MTMR8: variants seen among roughly 807,000 people sequenced by gnomAD.
MTMR8 encodes myotubularin related protein 8, also known as phosphatidylinositol-3,5-bisphosphate 3-phosphatase MTMR8.
A neutral mutation model predicts 39.3 loss-of-function variants in MTMR8; 65 were observed. The ratio of observed to expected loss-of-function variants is 1.65; its 90% CI spans 1.35 to 2.03. The LOEUF (loss-of-function observed/expected upper bound fraction) is 2.03. Among genes scored for constraint, MTMR8 ranks in the 30% most tolerant of loss-of-function variants. The pLI is 0.00. For synonymous variants in MTMR8, 245 were observed against 185.2 expected (o/e 1.32, Z -2.62); for missense variants, 777 against 538.9 (o/e 1.44, Z -4.37).
intron 12 of MTMR8, among the ~76,000 whole-genome samples, chrX:64,312,521 A>G (rs1217846997): frequency 8.9e-6 from 1 of 112,513 alleles, no homozygotes; most frequent in Non-Finnish European, 1.9e-5. Flanking sequence ...TCAATTAGGA[A>G]AAGAGGAAGT....
At chrX:64,357,854 G>T (rs1330118289) in intron 2 of MTMR8, among the ~76,000 whole-genome samples, 1 of 111,716 alleles carries the variant, frequency 9.0e-6, no homozygotes, top group Non-Finnish European at 1.9e-5. Context: ...GTGTGTTTTG[G>T]TAGTACGATA....
chrX:64,389,679 C>T (rs1176590376), intron 1 of MTMR8, among the ~76,000 whole-genome samples: 2 of 111,665 alleles, frequency 1.8e-5, no homozygotes, highest in Non-Finnish European at 3.8e-5. Flanking sequence ...TTGACACCTC[C>T]CATGACTAAT....
rs1032480859 is a variant in MTMR8 at position 64,286,362 on chromosome X, C to G, written c.1482-15289G>C. ...AAAAGTCCATGACCAGAAGGATTCA[C>G]AGCCAAATTCTACCAGAGGTACAAG... On this transcript the variant is annotated intron_variant, in intron 12 of 13. Transcript: ENST00000374852. Among the ~76,000 whole-genome samples the G allele has an allele frequency of 4.5e-5, 5 of 112,059 alleles. No homozygotes were observed. The Admixed American group carries it at 4.7e-4, about 11-fold the overall frequency.
At chrX:64,393,930 C>T (rs974402271) in intron 1 of MTMR8, among the ~76,000 whole-genome samples, 3 of 112,231 alleles carry the variant, frequency 2.7e-5, no homozygotes, top group Non-Finnish European at 5.6e-5. Context: ...TGAAGTGAGC[C>T]GGGCAAATTT....
chrX:64,334,227 T>C (rs1161849896), intron 10 of MTMR8, among the ~76,000 whole-genome samples: 1 of 110,522 alleles, frequency 9.0e-6, no homozygotes, highest in Non-Finnish European at 1.9e-5. Context: ...ACTGAAGCCA[T>C]CTTCCCCACC....
In MTMR8 at chrX:64,270,542, G is replaced by T. The variant is rs781345518; in HGVS notation, c.1608+405C>A. Reference sequence around the variant, plus strand: ...CAGAGTTTGCAGTTTACATGGGAAGGAAATAAGAATCTTCTTTTGTAAGAT... The same window carrying T: ...CAGAGTTTGCAGTTTACATGGGAAGTAAATAAGAATCTTCTTTTGTAAGAT... On this transcript the variant is annotated intron_variant, in intron 13 of 13. Coordinates refer to ENST00000374852, the MANE Select transcript of MTMR8 (RefSeq NM_017677.4). 3.6e-5 allele frequency among the ~76,000 whole-genome samples: 4 copies of T among 112,333 alleles called. No individual in the cohort carries two copies. In the East Asian group the frequency reaches 8.4e-4, roughly 24 times the overall value.
At chrX:64,278,647 G>T (rs1424835196) in intron 12 of MTMR8, among the ~76,000 whole-genome samples, 1 of 107,750 alleles carries the variant, frequency 9.3e-6, no homozygotes, top group African/African-American at 3.4e-5. Flanking sequence ...CTAATTTTTT[G>T]TATTTTAGTA....
chrX:64,298,743 A>G (rs1452537908), intron 12 of MTMR8, among the ~76,000 whole-genome samples: 1 of 69,242 alleles, frequency 1.4e-5, no homozygotes, highest in Non-Finnish European at 2.2e-5. Context: ...ATTATTTTGA[A>G]ATATGTCCCA....
intron 12 of MTMR8, among the ~76,000 whole-genome samples, chrX:64,287,402 T>A (rs940853142): frequency 5.4e-5 from 6 of 111,573 alleles, no homozygotes; most frequent in Admixed American, 3.8e-4. Context: ...AGGTAATTTA[T>A]AGATTCAATG....
At chrX:64,359,064 C>A (rs1025226872) in intron 2 of MTMR8, among the ~76,000 whole-genome samples, 11 of 110,996 alleles carry the variant, frequency 9.9e-5, no homozygotes, top group Non-Finnish European at 2.1e-4. Context: ...GCTGCTGGTT[C>A]TTGAACTATA....
intron 12 of MTMR8, among the ~76,000 whole-genome samples, chrX:64,301,171 T>C (rs756204857): frequency 9.1e-6 from 1 of 110,170 alleles, no homozygotes; most frequent in East Asian, 2.9e-4. Flanking sequence ...CTGCAGAGTG[T>C]TTGCCAACTT....
intron 12 of MTMR8, among the ~76,000 whole-genome samples, chrX:64,273,532 A>T (rs1317780700): frequency 4.5e-5 from 5 of 111,839 alleles, no homozygotes; most frequent in Non-Finnish European, 9.4e-5. Flanking sequence ...GCAAGAAATG[A>T]AAAGAAGAAC....
rs1317530061 is a variant in MTMR8 at position 64,297,560 on chromosome X, T to C, written c.1482-26487A>G. ...TGTTCACTCTGATGGTAGTTTCTTT[T>C]GCTGTGCAGAAGCTCTTTAGTTTAA... On this transcript the variant is annotated intron_variant, in intron 12 of 13. Coordinates refer to ENST00000374852, the MANE Select transcript of MTMR8 (RefSeq NM_017677.4). Among the ~76,000 whole-genome samples, 45 of 89,521 alleles carry C rather than the reference T, an allele frequency of 5.0e-4. 1 individual carries two copies. Among genetic ancestry groups the C allele is most frequent in the Non-Finnish European group, 1.3e-4 (6 of 45,421 alleles). 77.7% of individuals were successfully genotyped at this position (89,521 alleles called of 115,157 possible).
rs1160166362 is a variant in MTMR8 at position 64,328,908 on chromosome X, A to C, written c.1353-8T>G. On this transcript the variant is annotated splice_polypyrimidine_tract_variant and splice_region_variant and intron_variant, in intron 11 of 13. Coordinates refer to ENST00000374852, the MANE Select transcript of MTMR8 (RefSeq NM_017677.4). ...TGTGTTTTCTCATAGACTCTGTTAG[A>C]AAAGAAAAACAAGCCAAAAAATTAA... is the stretch of plus-strand genomic sequence containing the variant. 2 of 1,184,343 alleles carry C rather than the reference A, an allele frequency of 1.7e-6. No individual in the cohort carries two copies. Among genetic ancestry groups the C allele is most frequent in the African/African-American group, 3.6e-5 (2 of 55,335 alleles).
At chrX:64,335,009 G>C (rs1026690494) in intron 10 of MTMR8, among the ~76,000 whole-genome samples, 1 of 111,888 alleles carries the variant, frequency 8.9e-6, no homozygotes, top group East Asian at 2.8e-4. Context: ...CAATGTTTGT[G>C]GGTGAAGGAA....
chrX:64,314,593 G>A (rs1000553543), intron 12 of MTMR8, among the ~76,000 whole-genome samples: 1 of 113,223 alleles, frequency 8.8e-6, no homozygotes, highest in Admixed American at 9.3e-5. Context: ...AACTGCAATG[G>A]CGGTACAGCA....
chrX:64,283,413 A>C (rs1268966938), intron 12 of MTMR8, among the ~76,000 whole-genome samples: 1 of 112,250 alleles, frequency 8.9e-6, no homozygotes, highest in African/African-American at 3.2e-5. Context: ...GTATAGCTGA[A>C]CAAAAGGCAG....
chrX:64,269,979 G>A (rs1359043259), intron 13 of MTMR8, among the ~76,000 whole-genome samples: 1 of 111,429 alleles, frequency 9.0e-6, no homozygotes, highest in Non-Finnish European at 1.9e-5. Context: ...GCAGGGATAA[G>A]TGAGAGGGCT....
chrX:64,328,011 CA>C (rs1312149145), intron 12 of MTMR8, among the ~76,000 whole-genome samples: 2 of 110,739 alleles, frequency 1.8e-5, no homozygotes, highest in African/African-American at 6.6e-5. Context: ...AATGTAATAG[CA>C]AAAAAATACA....
Sources: allele counts gnomAD v4.1 joint callset (sites outside exome capture counted in the v4.1 genomes callset), GRCh38; gene constraint gnomAD v4.1.1; transcripts MANE v1.5; gene names NCBI Gene and HGNC (gene_info 2026-07-23, HGNC 2026-07-21).